CWF19L1: variants seen among roughly 807,000 people sequenced by gnomAD.
The protein encoded by CWF19L1 is CWF19 like cell cycle control factor 1.
A neutral mutation model predicts 69.7 loss-of-function variants in CWF19L1; 60 were observed. The ratio of observed to expected loss-of-function variants is 0.86; its 90% CI spans 0.70 to 1.07. The LOEUF (loss-of-function observed/expected upper bound fraction) is 1.07, where lower values mean the gene tolerates loss of function less well. Among genes scored for constraint, CWF19L1 ranks in the 50% least tolerant of loss-of-function variants. The pLI is 0.00. For synonymous variants in CWF19L1, 209 were observed against 222.2 expected (o/e 0.94, Z 0.53); for missense variants, 591 against 638.9 (o/e 0.92, Z 0.81).
chr10:100,249,044 G>A (rs892764012), intron 7 of CWF19L1: 1 of 576,434 alleles, frequency 1.7e-6, no homozygotes, highest in African/African-American at 1.9e-5. Context: ...CTGCCAGCGG[G>A]GCAGTCCATG....
intron 7 of CWF19L1, chr10:100,248,320 G>A: frequency 7.8e-7 from 1 of 1,280,096 alleles, no homozygotes; most frequent in Non-Finnish European, 1.1e-6. Flanking sequence ...GCTGTTGCAG[G>A]AGACGTGGTG....
At position 100,238,080 on chromosome 10, in the gene CWF19L1, C is replaced by A. The variant is rs749733351; in HGVS notation, c.1196G>T (p.Arg399Leu). 5 of 1,614,186 alleles carry A rather than the reference C, an allele frequency of 3.1e-6. No individual in the cohort carries two copies. The highest frequency in any genetic ancestry group is 1.1e-5 in the South Asian group (1 of 91,076). Reference sequence around the variant, plus strand: ...CTCAAATACAACACACCATTTCCCTCGACTCTTAAAGAACCGTCTCAGAGT... The same window carrying A: ...CTCAAATACAACACACCATTTCCCTAGACTCTTAAAGAACCGTCTCAGAGT... The part of the protein sequence containing the change: ...KATLRRFFKS[R>L]GKWCVVFERN... Residue 399 changes from arginine to leucine, a missense_variant, in exon 11 of 14, where the codon CGA (arginine) becomes CTA (leucine). This residue lies in a region of CWF19L1 where 458 missense variants were observed against 489.3 expected (regional missense o/e 0.94). Transcript: ENST00000354105.
chr10:100,246,701 G>T (rs970996493), intron 8 of CWF19L1, 94 bp downstream of exon 8: 6 of 1,248,156 alleles, frequency 4.8e-6, no homozygotes, highest in Non-Finnish European at 6.5e-6. Context: ...GGAAAAAAAA[G>T]ATTTAGATTC....
Position 100,250,239 on chromosome 10 carries a change from A to C in CWF19L1, c.708+9T>G, listed in dbSNP as rs548942702. The C allele has an allele frequency of 1.3e-6, 2 of 1,581,598 alleles. No homozygotes were observed. Among genetic ancestry groups the C allele is most frequent in the African/African-American group, 1.3e-5 (1 of 74,392 alleles). ...ATATCAACCTTCCACCAAATAGGTA[A>C]ATCTTTACCTTTTTCTTTTCTGGAT... On this transcript the variant is annotated intron_variant, in intron 7 of 13. Transcript: ENST00000354105.
At chr10:100,238,310 G>A in intron 10 of CWF19L1, 79 bp from the exon 11 acceptor site, 1 of 1,315,520 alleles carries the variant, frequency 7.6e-7, no homozygotes, top group Admixed American at 1.9e-5. Context: ...TACAAAAAGT[G>A]AGCCTGAGGG....
At chr10:100,262,225 G>A (rs1847427341) in intron 1 of CWF19L1, 162 bp from the exon 2 acceptor site, 4 of 985,162 alleles carry the variant, frequency 4.1e-6, no homozygotes, top group Non-Finnish European at 3.6e-6. Context: ...ATCCACTGAG[G>A]GTCTCACCAA....
Position 100,267,564 on chromosome 10 carries a change from C to G in CWF19L1, c.23+7G>C, listed in dbSNP as rs954297262. ...AGGGAGAGAGGCTTCCATTCACGGT[C>G]ACTCACAGGCGCAGCGGTTTCTGTG... is the stretch of plus-strand genomic sequence containing the variant. On this transcript the variant is annotated splice_region_variant and intron_variant, in intron 1 of 13. Transcript: ENST00000354105. 1 of 1,614,080 alleles carries G rather than the reference C, an allele frequency of 6.2e-7. No homozygotes were observed. Among genetic ancestry groups the G allele is most frequent in the Non-Finnish European group, 8.5e-7 (1 of 1,180,054 alleles).
chr10:100,239,314 G>A (rs1846562412), intron 10 of CWF19L1, among the ~76,000 whole-genome samples: 1 of 152,076 alleles, frequency 6.6e-6, no homozygotes, highest in Non-Finnish European at 1.5e-5. Context: ...GGCCCAATGA[G>A]TACCAGTACA....
At chr10:100,233,424 C>T in intron 13 of CWF19L1, 53 bp from the exon 14 acceptor site, 1 of 1,573,036 alleles carries the variant, frequency 6.4e-7, no homozygotes, top group Non-Finnish European at 8.6e-7. Context: ...CTGAGCTCTC[C>T]TCAACATCAC....
intron 11 of CWF19L1, 138 bp from the exon 12 acceptor site, chr10:100,237,107 G>T (rs1846467538): frequency 1.0e-6 from 1 of 1,002,280 alleles, no homozygotes; most frequent in Non-Finnish European, 1.5e-6. Flanking sequence ...GGCCAGACAA[G>T]CCTGTGTCAG....
At position 100,246,858 on chromosome 10, in the gene CWF19L1, A is replaced by G; in HGVS notation, c.786T>C (p.Thr262=). The change falls in exon 8 of 14, where the codon ACT becomes ACC. Residue 262 remains threonine, a synonymous_variant. Coordinates refer to ENST00000354105, the MANE Select transcript of CWF19L1 (RefSeq NM_018294.6). Reference sequence around the variant, plus strand: ...GCCCAGATTTTCTGTAAGGGTTTTCAGTGACATCCGGAGGCTGTTTTACCA... The same window carrying G: ...GCCCAGATTTTCTGTAAGGGTTTTCGGTGACATCCGGAGGCTGTTTTACCA... ...AELVKQPPDV[T]ENPYRKSGQE... The G allele has an allele frequency of 6.2e-7, 1 of 1,614,162 alleles. No individual in the cohort carries two copies. The highest frequency in any genetic ancestry group is 8.5e-7 in the Non-Finnish European group (1 of 1,179,996).
intron 5 of CWF19L1, among the ~76,000 whole-genome samples, chr10:100,255,657 G>GCCTCCC (rs1226086240): frequency 6.6e-6 from 1 of 152,000 alleles, no homozygotes; most frequent in African/African-American, 2.4e-5. Context: ...CAGCTACTTG[G>GCCTCCC]GAGGCTGAGG....
chr10:100,237,006 G>A, intron 11 of CWF19L1, 37 bp from the exon 12 acceptor site: 2 of 1,544,666 alleles, frequency 1.3e-6, no homozygotes, highest in Non-Finnish European at 8.7e-7. Context: ...TCCTTGTGCA[G>A]GTCCCAGAGA....
At chr10:100,253,149 A>G (rs1003573720) in intron 6 of CWF19L1, among the ~76,000 whole-genome samples, 2 of 152,186 alleles carry the variant, frequency 1.3e-5, no homozygotes, top group African/African-American at 4.8e-5. Flanking sequence ...CCTTCCAAGT[A>G]GCTGGAACCA....
At chr10:100,254,772 A>G (rs1300446405) in intron 5 of CWF19L1, among the ~76,000 whole-genome samples, 2 of 152,174 alleles carry the variant, frequency 1.3e-5, no homozygotes, top group African/African-American at 4.8e-5. Flanking sequence ...ACAGAGCATC[A>G]TATGTGTCTT....
intron 10 of CWF19L1, among the ~76,000 whole-genome samples, chr10:100,239,740 A>G: frequency 6.6e-6 from 1 of 152,230 alleles, no homozygotes. Context: ...AGAAAGTCCA[A>G]CAGAATGACA....
chr10:100,243,125 A>C (rs7912345), intron 10 of CWF19L1, among the ~76,000 whole-genome samples: 11,422 of 152,254 alleles, frequency 0.075, 585 homozygotes, highest in African/African-American at 0.14. Context: ...GTCTATCCAA[A>C]ATATAGACCA....
intron 1 of CWF19L1, among the ~76,000 whole-genome samples, chr10:100,265,665 C>T (rs1315207038): frequency 6.6e-6 from 1 of 151,900 alleles, no homozygotes; most frequent in South Asian, 2.1e-4. Context: ...GGATTACAGG[C>T]GCCCGCTACC....
chr10:100,244,441 C>T (rs559519640), intron 9 of CWF19L1, among the ~76,000 whole-genome samples: 2 of 152,218 alleles, frequency 1.3e-5, no homozygotes, highest in African/African-American at 4.8e-5. Context: ...CTGCAAGCTC[C>T]GCCTCCCAGG....
Sources: allele counts gnomAD v4.1 joint callset (sites outside exome capture counted in the v4.1 genomes callset), GRCh38; gene constraint gnomAD v4.1.1; regional missense constraint gnomAD v4.1.1; transcripts MANE v1.5; gene names NCBI Gene and HGNC (gene_info 2026-07-23, HGNC 2026-07-21).